The following SMAD5 variants were observed in gnomAD, a reference collection of about 807,000 sequenced individuals.
SMAD5 encodes the protein SMAD family member 5.
A neutral mutation model predicts 43.1 loss-of-function variants in SMAD5; 9 were observed. The observed-to-expected ratio is 0.21, with a 90% CI of 0.13 to 0.36. The LOEUF (loss-of-function observed/expected upper bound fraction) is 0.36. Among genes scored for constraint, SMAD5 ranks in the 10% least tolerant of loss-of-function variants. The pLI is 1.00. For missense variants in SMAD5, 348 were observed against 574.0 expected, an observed-to-expected ratio of 0.61 and a Z score of 4.02; for synonymous variants, 190 against 192.4, an observed-to-expected ratio of 0.99 and a Z score of 0.10.
At position 136,154,141 on chromosome 5, in the gene SMAD5, C is replaced by T; in HGVS notation, c.381C>T (p.His127=). Residue 127 remains histidine (H), a synonymous_variant, in exon 3 of 8, where the codon CAC becomes CAT. Coordinates refer to ENST00000545279, the MANE Select transcript of SMAD5 (RefSeq NM_005903.7). The stretch of plus-strand genomic sequence containing the variant: ...AAGAAGTTTGTATCAACCCATACCA[C>T]TATAAGAGAGTGGAGAGTCCAGGTA... ...KQKEVCINPY[H]YKRVESPVLP... 6.4e-7 allele frequency: 1 copy of T among 1,570,414 alleles called. No homozygotes were observed. The highest frequency in any genetic ancestry group is 8.6e-7 in the Non-Finnish European group (1 of 1,160,848).
chr5:136,152,131 T>C (rs1275081277), intron 2 of SMAD5, among the ~76,000 whole-genome samples: 1 of 152,142 alleles, frequency 6.6e-6, no homozygotes, highest in East Asian at 1.9e-4. Flanking sequence ...TTTACTTCCC[T>C]GTACCCTTCC....
intron 1 of SMAD5, chr5:136,133,341 GAT>G (rs1752744871): frequency 1.3e-5 from 2 of 152,552 alleles, no homozygotes; most frequent in African/African-American, 4.8e-5. Flanking sequence ...TACCACCCTG[GAT>G]ACACACCCTT....
At position 136,153,740 on chromosome 5, in the gene SMAD5, G is replaced by A. The variant is rs1753541793; in HGVS notation, c.-21G>A. The A allele has an allele frequency of 1.3e-6, 2 of 1,580,542 alleles. No individual in the cohort carries two copies. Among genetic ancestry groups the A allele is most frequent in the South Asian group, 2.3e-5 (2 of 86,644 alleles). ...GCCACTGACTTTGAGTTACAGGAAGGTCTCCGAAGATTTGTGTCAAATGAC... is the reference window on the plus strand; with the variant it reads ...GCCACTGACTTTGAGTTACAGGAAGATCTCCGAAGATTTGTGTCAAATGAC... On this transcript the variant is annotated 5_prime_UTR_variant, in exon 3 of 8. Coordinates refer to ENST00000545279, the MANE Select transcript of SMAD5 (RefSeq NM_005903.7).
At chr5:136,136,290 G>C (rs1752874978) in intron 1 of SMAD5, among the ~76,000 whole-genome samples, 1 of 152,188 alleles carries the variant, frequency 6.6e-6, no homozygotes. Flanking sequence ...CAATTCTCCT[G>C]CCTCAGCCTC....
At chr5:136,145,096 C>T (rs1197317529) in intron 1 of SMAD5, among the ~76,000 whole-genome samples, 5 of 148,758 alleles carry the variant, frequency 3.4e-5, no homozygotes, top group Admixed American at 2.0e-4. Flanking sequence ...AAAAAGCTGC[C>T]GTATTTCTTC....
chr5:136,152,708 G>A (rs1231670528), intron 2 of SMAD5: 1 of 152,102 alleles, frequency 6.6e-6, no homozygotes, highest in African/African-American at 2.4e-5. Flanking sequence ...CAGACTGGAC[G>A]TGATTGAACT....
chr5:136,158,196 G>T (rs1171854295), intron 3 of SMAD5, among the ~76,000 whole-genome samples: 3 of 151,898 alleles, frequency 2.0e-5, no homozygotes, highest in Non-Finnish European at 4.4e-5. Context: ...AATTGAAAGG[G>T]CTCAGTGACC....
intron 1 of SMAD5, among the ~76,000 whole-genome samples, chr5:136,143,240 G>T (rs1753144028): frequency 6.7e-6 from 1 of 148,384 alleles, no homozygotes; most frequent in African/African-American, 2.5e-5. Context: ...TTAGGCTTCT[G>T]TTTATTTGTG....
intron 5 of SMAD5, among the ~76,000 whole-genome samples, chr5:136,164,729 A>G (rs976552592): frequency 7.9e-5 from 12 of 152,036 alleles, no homozygotes; most frequent in African/African-American, 2.9e-4. Flanking sequence ...GATGAAATCC[A>G]TTTTGTCAGT....
chr5:136,181,987 G>A lies in SMAD5; in HGVS notation c.*4507G>A, dbSNP rs1195675796. On this transcript the variant is annotated 3_prime_UTR_variant, in exon 8 of 8. Coordinates refer to ENST00000545279, the MANE Select transcript of SMAD5 (RefSeq NM_005903.7). ...ATCCAGTCCTAGAGCAGGATTCTTC[G>A]ATCATTCATGGCAGAGTGAAAAAGG... The A allele has an allele frequency of 4.6e-5, 7 of 152,124 alleles. No individual in the cohort carries two copies. The highest frequency in any genetic ancestry group is 4.1e-4 in the South Asian group (2 of 4,824). 9.4% of individuals were successfully genotyped at this position (152,124 alleles called of 1,614,324 possible).
chr5:136,171,983 A>G (rs1260415686), intron 5 of SMAD5, among the ~76,000 whole-genome samples: 2 of 152,170 alleles, frequency 1.3e-5, no homozygotes, highest in Non-Finnish European at 2.9e-5. Flanking sequence ...TAAGAAGAGG[A>G]AAAGAAACAG....
chr5:136,162,676 T>G (rs527844401), intron 4 of SMAD5, among the ~76,000 whole-genome samples: 6 of 152,234 alleles, frequency 3.9e-5, no homozygotes, highest in Admixed American at 6.5e-5. Flanking sequence ...TTTTCAACTA[T>G]GAGTGTTGAA....
At chr5:136,149,745 C>CT (rs1461451866) in intron 2 of SMAD5, among the ~76,000 whole-genome samples, 5 of 151,834 alleles carry the variant, frequency 3.3e-5, no homozygotes, top group African/African-American at 1.2e-4. Flanking sequence ...GCACATACCA[C>CT]TTTACCAGTT....
In SMAD5 at chr5:136,153,832, T is replaced by C; in HGVS notation, c.72T>C (p.Gly24=). The part of the protein sequence containing the change: ...AVKRLLGWKQ[G]DEEEKWAEKA... ...AGCGATTGTTGGGCTGGAAACAAGG[T>C]GATGAGGAGGAGAAATGGGCAGAAA... The change falls in exon 3 of 8, where the codon GGT becomes GGC. Residue 24 remains glycine (G), a synonymous_variant. Coordinates refer to ENST00000545279, the MANE Select transcript of SMAD5 (RefSeq NM_005903.7). 2 of 1,613,494 alleles carry C rather than the reference T, an allele frequency of 1.2e-6. No individual in the cohort carries two copies. Among genetic ancestry groups the C allele is most frequent in the Non-Finnish European group, 1.7e-6 (2 of 1,179,698 alleles).
chr5:136,176,769 T>C (rs1404131233), intron 7 of SMAD5, among the ~76,000 whole-genome samples: 1 of 151,636 alleles, frequency 6.6e-6, no homozygotes, highest in South Asian at 2.1e-4. Context: ...TTATATCTTA[T>C]AATACAGTTA....
At chr5:136,153,525 A>G (rs1753535422) in intron 2 of SMAD5, 67 bp from the exon 3 acceptor site, 3 of 364,700 alleles carry the variant, frequency 8.2e-6, no homozygotes, top group Non-Finnish European at 9.8e-6. Context: ...CCTTTCGATT[A>G]TATTAATTTA....
intron 1 of SMAD5, among the ~76,000 whole-genome samples, chr5:136,140,023 CTTTT>C (rs796179216): frequency 7.4e-6 from 1 of 134,984 alleles, no homozygotes; most frequent in Admixed American, 7.5e-5. Flanking sequence ...CAGGATAACT[CTTTT>C]TTTTTTTTTT....
At chr5:136,174,286 T>A in intron 6 of SMAD5, 90 bp from the exon 7 acceptor site, 3 of 1,242,896 alleles carry the variant, frequency 2.4e-6, no homozygotes, top group Non-Finnish European at 3.4e-6. Flanking sequence ...TTGCTGTGGA[T>A]TAATGGGTAC....
chr5:136,149,226 C>T (rs1016160240), intron 2 of SMAD5, among the ~76,000 whole-genome samples: 1 of 151,866 alleles, frequency 6.6e-6, no homozygotes, highest in African/African-American at 2.4e-5. Flanking sequence ...TTTACCCACT[C>T]TACTGCTGAT....
Sources: gnomAD v4.1 joint callset for allele counts (sites outside exome capture counted in the v4.1 genomes callset) on GRCh38, gnomAD v4.1.1 for gene constraint, MANE v1.5 for transcripts, NCBI Gene and HGNC (gene_info 2026-07-23, HGNC 2026-07-21) for gene names.